MTMR3: variants seen among roughly 807,000 people sequenced by gnomAD.
The protein encoded by MTMR3 is myotubularin related protein 3.
A neutral mutation model predicts 132.4 loss-of-function variants in MTMR3; 32 were observed. The observed-to-expected ratio is 0.24, with a 90% CI of 0.18 to 0.32. The LOEUF (loss-of-function observed/expected upper bound fraction) is 0.32. Among genes scored for constraint, MTMR3 ranks in the 10% least tolerant of loss-of-function variants. MTMR3 has a pLI of 1.00. For missense variants in MTMR3, 1,216 were observed against 1,489.6 expected, an observed-to-expected ratio of 0.82 and a Z score of 3.02; for synonymous variants, 556 against 550.3, an observed-to-expected ratio of 1.01 and a Z score of -0.14.
In MTMR3 at chr22:29,908,091, G is replaced by A. The variant is rs147448618; in HGVS notation, c.-138+24732G>A. 1.3e-3 allele frequency among the ~76,000 whole-genome samples: 194 copies of A among 152,212 alleles called. 4 individuals are homozygous for A. The highest frequency in any genetic ancestry group is 5.8e-3 in the East Asian group (30 of 5,188). Reference sequence around the variant, plus strand: ...ATAGGTAGGAAGGACTTCCACAGTCGGATGCAAGTAAGATTTTTTTTCCTA... The same window carrying A: ...ATAGGTAGGAAGGACTTCCACAGTCAGATGCAAGTAAGATTTTTTTTCCTA... On this transcript the variant is annotated intron_variant, in intron 1 of 19. Transcript: ENST00000401950.
chr22:30,005,916 T>C (rs1207487342), intron 9 of MTMR3: 2 of 152,204 alleles, frequency 1.3e-5, no homozygotes, highest in Non-Finnish European at 2.9e-5. Context: ...AACCCCAACT[T>C]AGAATTAGGC....
At chr22:29,925,910 G>A (rs1216547884) in intron 1 of MTMR3, among the ~76,000 whole-genome samples, 1 of 152,008 alleles carries the variant, frequency 6.6e-6, no homozygotes, top group African/African-American at 2.4e-5. Flanking sequence ...ACAAGACTCG[G>A]TCTCAAAAAA....
chr22:29,952,117 C>G (rs2066093982), intron 1 of MTMR3, among the ~76,000 whole-genome samples: 1 of 152,014 alleles, frequency 6.6e-6, no homozygotes, highest in Non-Finnish European at 1.5e-5. Context: ...TCTCGAACTC[C>G]TAGGCTGAAG....
intron 2 of MTMR3, among the ~76,000 whole-genome samples, chr22:29,968,632 A>G (rs890429948): frequency 2.6e-5 from 4 of 152,122 alleles, no homozygotes; most frequent in African/African-American, 9.7e-5. Flanking sequence ...TCTTTGCAGC[A>G]GTTGCCTACT....
chr22:29,952,783 G>A (rs1455209135), intron 1 of MTMR3, among the ~76,000 whole-genome samples: 1 of 152,142 alleles, frequency 6.6e-6, no homozygotes, highest in African/African-American at 2.4e-5. Context: ...TTTGAGCAGG[G>A]AGTAAGACTA....
chr22:29,967,921 G>C (rs998504506), intron 2 of MTMR3, among the ~76,000 whole-genome samples: 3 of 125,794 alleles, frequency 2.4e-5, no homozygotes, highest in Admixed American at 7.4e-5. Context: ...TATATACTGT[G>C]TGTGTGTGTG....
chr22:30,019,655 C>G lies in MTMR3; in HGVS notation c.1996C>G (p.Leu666Val), dbSNP rs759304350. ...AGAGGATCCCCTTTCTGCCGACAGC[C>G]TAGGGAAGCCCACCAGAGTGCCGGG... ...PGEDPLSADS[L>V]GKPTRVPGGA... is the part of the protein sequence containing the mutation. Residue 666 changes from leucine to valine, a missense_variant, in exon 17 of 20, where the codon CTA becomes GTA. Leu to Val is a conservative substitution (Grantham distance 32, BLOSUM62 1). Transcript: ENST00000401950. The G allele has an allele frequency of 1.2e-6, 2 of 1,614,184 alleles. No homozygotes were observed. Among genetic ancestry groups the G allele is most frequent in the Non-Finnish European group, 1.7e-6 (2 of 1,180,018 alleles).
chr22:29,909,276 C>T (rs1400469052), intron 1 of MTMR3, among the ~76,000 whole-genome samples: 1 of 152,124 alleles, frequency 6.6e-6, no homozygotes, highest in East Asian at 1.9e-4. Context: ...TTGCCCTACT[C>T]CCCCAACCCC....
intron 8 of MTMR3, chr22:30,000,498 CCTT>C (rs2067150200): frequency 6.6e-6 from 1 of 151,590 alleles, no homozygotes; most frequent in Non-Finnish European, 1.5e-5. Flanking sequence ...ATATATATAT[CCTT>C]CTCCTACGTT....
chr22:29,969,825 C>A (rs1024817648), intron 2 of MTMR3, among the ~76,000 whole-genome samples: 1 of 152,186 alleles, frequency 6.6e-6, no homozygotes, highest in South Asian at 2.1e-4. Flanking sequence ...CCACCACACC[C>A]GGCCAAAATG....
intron 1 of MTMR3, among the ~76,000 whole-genome samples, chr22:29,932,851 G>A (rs2065672485): frequency 6.6e-6 from 1 of 152,072 alleles, no homozygotes; most frequent in Admixed American, 6.6e-5. Context: ...TTTGTTTCAT[G>A]TGCTTTATTA....
In MTMR3 at chr22:30,029,121, G is replaced by A. The variant is rs2067967616; in HGVS notation, c.*3320G>A. 6.6e-6 allele frequency: 1 copy of A among 152,366 alleles called. No individual in the cohort carries two copies. The highest frequency in any genetic ancestry group is 2.4e-5 in the African/African-American group (1 of 41,442). 9.4% of individuals were successfully genotyped at this position (152,366 alleles called of 1,614,324 possible). ...AAGGCAAGGAATTGCCCTGAGGGAG[G>A]TGGCTGCATATGGAGAAAGGCAGTT... is the stretch of plus-strand genomic sequence containing the variant. On this transcript the variant is annotated 3_prime_UTR_variant, in exon 20 of 20. Transcript: ENST00000401950.
chr22:30,016,123 T>TA (rs2145962019), intron 14 of MTMR3: 1 of 197,832 alleles, frequency 5.1e-6, no homozygotes, highest in South Asian at 9.1e-5. Flanking sequence ...CCCAGCACCT[T>TA]AGTCATGTTT....
intron 1 of MTMR3, among the ~76,000 whole-genome samples, chr22:29,935,742 CTTTTT>C (rs35840801): frequency 1.6e-5 from 2 of 125,834 alleles, no homozygotes; most frequent in East Asian, 2.3e-4. Flanking sequence ...TCCATGCCCA[CTTTTT>C]TTTTTTTTTT....
intron 1 of MTMR3, among the ~76,000 whole-genome samples, chr22:29,916,480 G>T (rs1383504309): frequency 6.6e-6 from 1 of 152,150 alleles, no homozygotes; most frequent in Non-Finnish European, 1.5e-5. Context: ...TCTGGCTGGG[G>T]TCTGGAAACT....
chr22:29,991,171 C>T (rs5752993), intron 6 of MTMR3: 129,621 of 166,300 alleles, frequency 0.78, 51,018 homozygotes, highest in East Asian at 0.91. Flanking sequence ...CATAAAACTT[C>T]GATGGAAGAA....
rs370093149 is a variant in MTMR3 at position 30,020,380 on chromosome 22, T to C, written c.2721T>C (p.Thr907=). The C allele has an allele frequency of 6.2e-7, 1 of 1,614,156 alleles. No homozygotes were observed. Among genetic ancestry groups the C allele is most frequent in the Admixed American group, 1.7e-5 (1 of 60,030 alleles). The part of the protein sequence containing the change: ...SVVHRTSLGS[T]LSLTRSPCAL... Reference sequence around the variant, plus strand: ...TGCATAGGACTTCCCTTGGCAGCACTCTCAGCCTGACACGTTCCCCTTGTG... The same window carrying C: ...TGCATAGGACTTCCCTTGGCAGCACCCTCAGCCTGACACGTTCCCCTTGTG... The change falls in exon 17 of 20, where the codon ACT becomes ACC. Residue 907 remains threonine, a synonymous_variant. Transcript: ENST00000401950.
Position 30,028,244 on chromosome 22 carries a change from A to T in MTMR3, c.*2443A>T, listed in dbSNP as rs545451279. Reference sequence around the variant, plus strand: ...AGTACTCTGGCCCCTTCAGTCGGGGAGTGGAAGGAGATGTGGGGTGGGGGT... The same window carrying T: ...AGTACTCTGGCCCCTTCAGTCGGGGTGTGGAAGGAGATGTGGGGTGGGGGT... On this transcript the variant is annotated 3_prime_UTR_variant, in exon 20 of 20. Coordinates refer to ENST00000401950, the MANE Select transcript of MTMR3 (RefSeq NM_021090.4). The T allele has an allele frequency of 3.3e-5, 5 of 152,388 alleles. No individual in the cohort carries two copies. Among genetic ancestry groups the T allele is most frequent in the African/African-American group, 1.2e-4 (5 of 41,532 alleles). The allele number at this position is 152,388 out of a possible 1,614,324, so 9.4% of individuals were successfully genotyped here.
intron 2 of MTMR3, among the ~76,000 whole-genome samples, chr22:29,962,913 T>TC (rs1010766902): frequency 6.3e-4 from 92 of 146,974 alleles, no homozygotes; most frequent in African/African-American, 2.2e-3. Context: ...CTTTTTTCTT[T>TC]TTTTTTTTTT....
Sources: allele counts gnomAD v4.1 joint callset (sites outside exome capture counted in the v4.1 genomes callset), GRCh38; gene constraint gnomAD v4.1.1; transcripts MANE v1.5; gene names NCBI Gene and HGNC (gene_info 2026-07-23, HGNC 2026-07-21).